Variants in SHLD1 observed in about 807,000 individuals in gnomAD.
SHLD1 encodes the protein RINN1-REV7-interacting novel NHEJ regulator 3.
Under a neutral mutation model 5.5 loss-of-function variants are expected in SHLD1, and 3 were observed. The observed-to-expected ratio is 0.54, with a 90% confidence interval of 0.25 to 1.40. The LOEUF is 1.40. SHLD1 is among the 40% of genes most tolerant of loss of function. The pLI is 0.15. For missense variants in SHLD1, 210 were observed against 244.4 expected (o/e 0.86, Z 0.94); for synonymous variants, 92 against 94.3 (o/e 0.98, Z 0.14).
chr20:5,819,238 C>T (rs2087577328), intron 2 of SHLD1, among the ~76,000 whole-genome samples: 1 of 152,120 alleles, frequency 6.6e-6, no homozygotes, highest in Non-Finnish European at 1.5e-5. Context: ...AGCATGGTTG[C>T]ATGCTTGGTT....
In SHLD1 at chr20:5,830,840, G is replaced by T. The variant is rs2087721161; in HGVS notation, c.179-32184G>T. The stretch of plus-strand genomic sequence containing the variant: ...TGATTATACTGGGTATATTCAGTTT[G>T]TAAAAGTTAATAGAGCTTATGATTT... On this transcript the variant is annotated intron_variant, in intron 2 of 2. Coordinates refer to ENST00000303142, the MANE Select transcript of SHLD1 (RefSeq NM_152504.4). Among the ~76,000 whole-genome samples the T allele has an allele frequency of 2.6e-5, 4 of 152,032 alleles. No individual in the cohort carries two copies. In the South Asian group the frequency reaches 8.3e-4, roughly 32 times the overall value.
At chr20:5,794,247 A>C (rs1204688578) in intron 2 of SHLD1, among the ~76,000 whole-genome samples, 2 of 152,138 alleles carry the variant, frequency 1.3e-5, no homozygotes, top group Non-Finnish European at 2.9e-5. Context: ...TGTCATGAGG[A>C]TTGAGTGAGA....
rs1317298408 is a variant in SHLD1, at chr20:5,773,416, G to A, written c.178+373G>A. 5 of 493,970 alleles carry A rather than the reference G, an allele frequency of 1.0e-5. No homozygotes were observed. In the East Asian group the frequency reaches 1.6e-4, roughly 16 times the overall value. 30.6% of individuals were successfully genotyped at this position (493,970 alleles called of 1,614,324 possible). ...AAATAGCAATGTGGGCCTGTTATGT[G>A]TGATGAGTAATAAAAATAGAGACTT... On this transcript the variant is annotated intron_variant, in intron 2 of 2. Coordinates refer to ENST00000303142, the MANE Select transcript of SHLD1 (RefSeq NM_152504.4).
intron 2 of SHLD1, among the ~76,000 whole-genome samples, chr20:5,843,307 TCCTTTTA>T (rs2087888980): frequency 6.6e-6 from 1 of 151,336 alleles, no homozygotes; most frequent in African/African-American, 2.4e-5. Flanking sequence ...TTTTTTTTTT[TCCTTTTA>T]TTTTCTTTTA....
At position 5,863,638 on chromosome 20, in the gene SHLD1, T is replaced by C; in HGVS notation, c.*175T>C. 1.6e-6 allele frequency: 1 copy of C among 619,476 alleles called. No homozygotes were observed. Among genetic ancestry groups the C allele is most frequent in the Non-Finnish European group, 2.7e-6 (1 of 371,414 alleles). 38.4% of individuals were successfully genotyped at this position (619,476 alleles called of 1,614,324 possible). ...CCTGGTATTGGAGCCAGTCAGCCCA[T>C]ATGGAGAGCCAGCAGGGTCTGGGAG... On this transcript the variant is annotated 3_prime_UTR_variant, in exon 3 of 3. Transcript: ENST00000303142.
rs371525064 is a variant in SHLD1 at position 5,795,567 on chromosome 20, C to G, written c.178+22524C>G. ...TGAGCTGAGATCATGCCACTGCACT[C>G]CAGCCTGGGTGACAGAGCAAGACTC... is the stretch of plus-strand genomic sequence containing the variant. On this transcript the variant is annotated intron_variant, in intron 2 of 2. Transcript: ENST00000303142. 7.0e-5 allele frequency among the ~76,000 whole-genome samples: 10 copies of G among 141,850 alleles called. No homozygotes were observed. In the East Asian group the frequency reaches 1.4e-3, roughly 20 times the overall value. 93.1% of individuals were successfully genotyped at this position (141,850 alleles called of 152,430 possible).
intron 2 of SHLD1, among the ~76,000 whole-genome samples, chr20:5,784,623 T>C (rs1430142631): frequency 6.6e-6 from 1 of 151,928 alleles, no homozygotes; most frequent in Non-Finnish European, 1.5e-5. Flanking sequence ...GCTAATTTTT[T>C]ATATTTTTAG....
rs1459703692 is a variant in SHLD1 at position 5,861,153 on chromosome 20, C to A, written c.179-1871C>A. 3.3e-5 allele frequency among the ~76,000 whole-genome samples: 5 copies of A among 152,326 alleles called. No individual in the cohort carries two copies. The East Asian group carries it at 9.6e-4, about 29-fold the overall frequency. ...AGTTTCTATTTCTTCTTGCCACTGG[C>A]CTTTTGTTCATCAACTCTGCTTCTC... On this transcript the variant is annotated intron_variant, in intron 2 of 2. Transcript: ENST00000303142.
intron 2 of SHLD1, among the ~76,000 whole-genome samples, chr20:5,820,814 T>C (rs1466996679): frequency 6.6e-6 from 1 of 152,244 alleles, no homozygotes; most frequent in Non-Finnish European, 1.5e-5. Flanking sequence ...GCTTGGGCCT[T>C]TGATTTACAG....
chr20:5,837,587 T>A (rs237099), intron 2 of SHLD1, among the ~76,000 whole-genome samples: 1 of 149,270 alleles, frequency 6.7e-6, no homozygotes, highest in African/African-American at 2.4e-5. Flanking sequence ...GTTCCTGCAT[T>A]AGTTTGCTGA....
At chr20:5,848,785 G>GT (rs1461504586) in intron 2 of SHLD1, among the ~76,000 whole-genome samples, 2 of 151,900 alleles carry the variant, frequency 1.3e-5, no homozygotes, top group Non-Finnish European at 2.9e-5. Context: ...ACCTGTCTTT[G>GT]TTTTTTTTCC....
At chr20:5,768,384 C>T (rs574764085) in intron 1 of SHLD1, among the ~76,000 whole-genome samples, 18 of 152,360 alleles carry the variant, frequency 1.2e-4, no homozygotes, top group African/African-American at 4.3e-4. Context: ...CTGCCCCACG[C>T]TTGGGGAGAA....
chr20:5,750,422 T>A lies in SHLD1; in HGVS notation c.-62T>A, dbSNP rs1372240356. The A allele has an allele frequency of 1.4e-5, 2 of 142,544 alleles. No homozygotes were observed. Among genetic ancestry groups the A allele is most frequent in the Admixed American group, 7.1e-5 (1 of 13,998 alleles). The allele number at this position is 142,544 out of a possible 1,614,324, so 8.8% of individuals were successfully genotyped here. ...CCGCGTTCCGGTTGCGGATGGTGAG[T>A]GTGTCGGGGGGCTTGGCGGCTTTTC... On this transcript the variant is annotated 5_prime_UTR_variant, in exon 1 of 3. Transcript: ENST00000303142.
intron 2 of SHLD1, among the ~76,000 whole-genome samples, chr20:5,817,410 C>CTT (rs1396200016): frequency 1.6e-4 from 21 of 133,708 alleles, no homozygotes; most frequent in Non-Finnish European, 2.7e-4. Context: ...CTCTCTCTCT[C>CTT]TCTCTCTCTC....
intron 2 of SHLD1, among the ~76,000 whole-genome samples, chr20:5,811,676 G>A (rs370996997): frequency 1.5e-3 from 222 of 152,128 alleles, no homozygotes; most frequent in African/African-American, 5.2e-3. Flanking sequence ...GGAACATAGT[G>A]AGACTGTGTC....
At chr20:5,792,576 C>T (rs577494759) in intron 2 of SHLD1, among the ~76,000 whole-genome samples, 21 of 151,632 alleles carry the variant, frequency 1.4e-4, no homozygotes, top group African/African-American at 4.4e-4. Flanking sequence ...TGTGCCACCA[C>T]GCCTGGCTAA....
chr20:5,773,417 T>G, intron 2 of SHLD1: 2 of 491,244 alleles, frequency 4.1e-6, no homozygotes, highest in Non-Finnish European at 7.3e-6. Flanking sequence ...CTGTTATGTG[T>G]GATGAGTAAT....
In SHLD1 at chr20:5,839,486, A is replaced by T. The variant is rs201468689; in HGVS notation, c.179-23538A>T. The stretch of plus-strand genomic sequence containing the variant: ...TGGATGAATGGATAAATTAGATAGA[A>T]AGATAGATAGATAGATAGATAGATA... On this transcript the variant is annotated intron_variant, in intron 2 of 2. Coordinates refer to ENST00000303142, the MANE Select transcript of SHLD1 (RefSeq NM_152504.4). Among the ~76,000 whole-genome samples, 918 of 150,022 alleles carry T rather than the reference A, an allele frequency of 6.1e-3. 9 individuals carry two copies. Among genetic ancestry groups the T allele is most frequent in the African/African-American group, 0.02 (812 of 40,822 alleles).
chr20:5,755,628 A>C (rs117287988), intron 1 of SHLD1, among the ~76,000 whole-genome samples: 5,905 of 151,342 alleles, frequency 0.039, 180 homozygotes, highest in Non-Finnish European at 0.06. Flanking sequence ...GGTGTCATCT[A>C]GGCTCACCAC....
Sources: allele counts gnomAD v4.1 joint callset (sites outside exome capture counted in the v4.1 genomes callset), GRCh38; gene constraint gnomAD v4.1.1; transcripts MANE v1.5; gene names NCBI Gene and HGNC (gene_info 2026-07-23, HGNC 2026-07-21).